Variants in TRPC4 observed in about 807,000 individuals in gnomAD.
TRPC4 encodes transient receptor potential cation channel subfamily C member 4, also known as short transient receptor potential channel 4.
TRPC4 carries 49 observed loss-of-function variants against 99.4 expected under a neutral mutation model. The observed-to-expected ratio is 0.49, with a 90% CI of 0.39 to 0.63. The LOEUF is 0.63. Among genes scored for constraint, TRPC4 ranks in the 20% least tolerant of loss-of-function variants. The pLI is 0.00. For synonymous variants in TRPC4, 454 were observed against 425.9 expected, an observed-to-expected ratio of 1.07 and a Z score of -0.81; for missense variants, 898 against 1,152.9, an observed-to-expected ratio of 0.78 and a Z score of 3.20.
chr13:37,794,040 T>A (rs1183242440), intron 1 of TRPC4, among the ~76,000 whole-genome samples: 1 of 152,150 alleles, frequency 6.6e-6, no homozygotes, highest in Non-Finnish European at 1.5e-5. Context: ...ATTAAAATAA[T>A]GCATATTGCA....
intron 1 of TRPC4, among the ~76,000 whole-genome samples, chr13:37,783,561 AAAAT>A (rs1419723799): frequency 1.3e-5 from 2 of 152,036 alleles, no homozygotes; most frequent in Admixed American, 6.6e-5. Context: ...GTTTTCTTTT[AAAAT>A]AAATAAAAAG....
chr13:37,751,445 T>A (rs540658498), intron 2 of TRPC4, among the ~76,000 whole-genome samples: 1 of 152,206 alleles, frequency 6.6e-6, no homozygotes, highest in Non-Finnish European at 1.5e-5. Context: ...CAAAAGACTG[T>A]ATGGTTAACC....
intron 3 of TRPC4, among the ~76,000 whole-genome samples, chr13:37,733,724 T>C (rs1314473453): frequency 6.6e-6 from 1 of 152,126 alleles, no homozygotes; most frequent in Non-Finnish European, 1.5e-5. Flanking sequence ...GGATTTATGA[T>C]CATTTATTTT....
intron 1 of TRPC4, among the ~76,000 whole-genome samples, chr13:37,785,266 T>C (rs143162855): frequency 6.6e-6 from 1 of 152,182 alleles, no homozygotes; most frequent in Non-Finnish European, 1.5e-5. Flanking sequence ...CTTGGAAAGG[T>C]GGTTGACACT....
chr13:37,750,923 C>T lies in TRPC4; in HGVS notation c.379-4468G>A, dbSNP rs191975247. ...CGATTTTCCTACGGGAGATGGATTT[C>T]TAATCTTCACTGTGCTGTCTTTATC... is the stretch of plus-strand genomic sequence containing the variant. On this transcript the variant is annotated intron_variant, in intron 2 of 10. Transcript: ENST00000379705. Among the ~76,000 whole-genome samples the T allele has an allele frequency of 3.5e-3, 534 of 152,096 alleles. 3 individuals carry two copies. Among genetic ancestry groups the T allele is most frequent in the African/African-American group, 0.013 (520 of 41,514 alleles).
chr13:37,784,290 A>G (rs1956917751), intron 1 of TRPC4, among the ~76,000 whole-genome samples: 1 of 152,088 alleles, frequency 6.6e-6, no homozygotes, highest in Non-Finnish European at 1.5e-5. Flanking sequence ...ATAAACCACA[A>G]GGCAGGAATG....
chr13:37,671,066 C>T (rs915655102), intron 5 of TRPC4, among the ~76,000 whole-genome samples: 1 of 152,154 alleles, frequency 6.6e-6, no homozygotes, highest in Non-Finnish European at 1.5e-5. Context: ...AAGGCAAGAG[C>T]TACCTCTTGG....
rs141905274 is a variant in TRPC4, at chr13:37,718,057, T to C, written c.898-25722A>G. ...GTGGCAAGAACTCTGAAAATATGAA[T>C]AATAATGGCCTACAAAAATATATGA... On this transcript the variant is annotated intron_variant, in intron 3 of 10. Transcript: ENST00000379705. Among the ~76,000 whole-genome samples the C allele has an allele frequency of 2.3e-3, 345 of 151,986 alleles. 1 individual carries two copies. Among genetic ancestry groups the C allele is most frequent in the African/African-American group, 7.9e-3 (326 of 41,458 alleles).
rs1952097168 is a variant in TRPC4 at position 37,652,853 on chromosome 13, A to G, written c.1885-1394T>C. Among the ~76,000 whole-genome samples, 7 of 152,126 alleles carry G rather than the reference A, an allele frequency of 4.6e-5. No individual in the cohort carries two copies. In the South Asian group the frequency reaches 1.5e-3, roughly 32 times the overall value. On this transcript the variant is annotated intron_variant, in intron 7 of 10. Coordinates refer to ENST00000379705, the MANE Select transcript of TRPC4 (RefSeq NM_016179.4). ...GTTATCTTATTGCAATCACTAAGCA[A>G]GTGGTTTCTTTGTTCATGATTTAGG...
intron 7 of TRPC4, among the ~76,000 whole-genome samples, chr13:37,652,180 C>A (rs1296475948): frequency 6.6e-6 from 1 of 152,216 alleles, no homozygotes; most frequent in Non-Finnish European, 1.5e-5. Flanking sequence ...AGATTTGGGA[C>A]AGCCAGTCTC....
At chr13:37,822,456 T>A (rs534388900) in intron 1 of TRPC4, among the ~76,000 whole-genome samples, 17 of 141,060 alleles carry the variant, frequency 1.2e-4, no homozygotes, top group Non-Finnish European at 2.3e-4. Context: ...CAGTGTGATG[T>A]TCCCCCTCCT....
intron 1 of TRPC4, among the ~76,000 whole-genome samples, chr13:37,807,504 T>A (rs1239531670): frequency 1.3e-5 from 2 of 152,050 alleles, no homozygotes; most frequent in African/African-American, 2.4e-5. Context: ...GTCATAATCA[T>A]AATCATGAAT....
intron 1 of TRPC4, among the ~76,000 whole-genome samples, chr13:37,823,543 G>T (rs1168365265): frequency 2.0e-5 from 3 of 151,730 alleles, no homozygotes; most frequent in African/African-American, 7.3e-5. Context: ...TTTCCCCATT[G>T]CTTGTTTTTC....
intron 6 of TRPC4, among the ~76,000 whole-genome samples, chr13:37,659,018 A>T (rs1056709927): frequency 6.6e-6 from 1 of 152,198 alleles, no homozygotes. Context: ...GGGGATTTGT[A>T]TTTATAATCC....
chr13:37,762,572 A>G (rs920192912), intron 2 of TRPC4, among the ~76,000 whole-genome samples: 4 of 151,654 alleles, frequency 2.6e-5, no homozygotes, highest in Non-Finnish European at 5.9e-5. Context: ...TTGTATGGAC[A>G]TGGATGAAAT....
chr13:37,849,922 A>G (rs554535320), intron 1 of TRPC4, among the ~76,000 whole-genome samples: 1 of 152,310 alleles, frequency 6.6e-6, no homozygotes, highest in African/African-American at 2.4e-5. Context: ...CACAGAGTAA[A>G]TAGTGTCTAA....
In TRPC4 at chr13:37,782,972, G is replaced by C; in HGVS notation, c.362C>G (p.Pro121Arg). The C allele has an allele frequency of 9.5e-6, 14 of 1,474,704 alleles. No homozygotes were observed. Among genetic ancestry groups the C allele is most frequent in the Non-Finnish European group, 1.3e-5 (14 of 1,105,356 alleles). 91.4% of individuals were successfully genotyped at this position (1,474,704 alleles called of 1,614,324 possible). A position where few individuals can be genotyped will look rare whatever the true frequency, so the allele number is the denominator to read the frequency against. Residue 121 changes from proline (P) to arginine (R), a missense_variant, in exon 2 of 11, where the codon CCT (proline) becomes CGT (arginine). Physicochemically the swap from Pro to Arg is moderately radical, Grantham distance 103. This residue lies in a region of TRPC4 where 278 missense variants were observed against 346.6 expected (regional missense o/e 0.80). Coordinates refer to ENST00000379705, the MANE Select transcript of TRPC4 (RefSeq NM_016179.4). ...AVELLLNHKK[P>R]SGEKQVPPIL... ...TGCAGGTACCTGTTTTTCTCCACTA[G>C]GTTTTTTGTGGTTCAATAACAGCTC...
At chr13:37,678,750 G>A (rs1953140529) in intron 4 of TRPC4, among the ~76,000 whole-genome samples, 1 of 152,042 alleles carries the variant, frequency 6.6e-6, no homozygotes, top group Non-Finnish European at 1.5e-5. Flanking sequence ...TAAGAGGCAA[G>A]TATTACACTG....
chr13:37,815,236 GAC>G (rs1178466226), intron 1 of TRPC4, among the ~76,000 whole-genome samples: 1 of 151,674 alleles, frequency 6.6e-6, no homozygotes, highest in Non-Finnish European at 1.5e-5. Context: ...ACTAGCTAAT[GAC>G]ACACTGATAC....
Sources: gnomAD v4.1 joint callset for allele counts (sites outside exome capture counted in the v4.1 genomes callset) on GRCh38, gnomAD v4.1.1 for gene constraint, gnomAD v4.1.1 regional missense constraint, MANE v1.5 for transcripts, NCBI Gene and HGNC (gene_info 2026-07-23, HGNC 2026-07-21) for gene names.